CSMD1: variants seen among roughly 807,000 people sequenced by gnomAD.
CSMD1 encodes CUB and Sushi multiple domains 1.
Under a neutral mutation model 417.5 loss-of-function variants are expected in CSMD1, and 213 were observed. The observed-to-expected ratio is 0.51, with a 90% CI of 0.46 to 0.57. The LOEUF (loss-of-function observed/expected upper bound fraction) is 0.57, where lower values mean the gene tolerates loss of function less well. Ranked by LOEUF, CSMD1 falls within the 20% of genes least tolerant of loss-of-function variation. The pLI, the probability that CSMD1 is intolerant of heterozygous loss-of-function variation, is 0.00. For synonymous variants in CSMD1, 2,862 were observed against 1,736.8 expected, an observed-to-expected ratio of 1.65 and a Z score of -16.11; for missense variants, 6,923 against 4,529.7, an observed-to-expected ratio of 1.53 and a Z score of -15.17.
intron 16 of CSMD1, among the ~76,000 whole-genome samples, chr8:3,399,140 C>T (rs988264625): frequency 6.6e-6 from 1 of 152,136 alleles, no homozygotes. Context: ...ATACAAGGGT[C>T]GGACCTCGGG....
chr8:4,316,205 T>C (rs1315280886), intron 3 of CSMD1, among the ~76,000 whole-genome samples: 2 of 152,218 alleles, frequency 1.3e-5, no homozygotes, highest in East Asian at 1.9e-4. Context: ...GGACCCCATA[T>C]TCTAAAATTT....
intron 5 of CSMD1, among the ~76,000 whole-genome samples, chr8:3,949,564 G>T (rs961583514): frequency 1.3e-5 from 2 of 152,056 alleles, no homozygotes; most frequent in African/African-American, 4.8e-5. Context: ...GGTTATTTTG[G>T]GGTTCTTTTG....
intron 2 of CSMD1, among the ~76,000 whole-genome samples, chr8:4,573,202 T>C (rs1798969108): frequency 1.3e-5 from 2 of 152,200 alleles, no homozygotes; most frequent in African/African-American, 4.8e-5. Context: ...AGAGGCATTC[T>C]GGTTTTTGGA....
chr8:3,278,542 T>C (rs1802482934), intron 26 of CSMD1: 2 of 152,234 alleles, frequency 1.3e-5, no homozygotes, highest in Admixed American at 1.3e-4. Context: ...ACATTTCTTT[T>C]TGAGTTCTAT....
At chr8:4,327,620 C>T (rs751282001) in intron 3 of CSMD1, among the ~76,000 whole-genome samples, 4 of 152,062 alleles carry the variant, frequency 2.6e-5, no homozygotes. Flanking sequence ...GGGGAAAAAG[C>T]CCCCAAAAAC....
At chr8:4,139,002 C>T (rs183181933) in intron 3 of CSMD1, among the ~76,000 whole-genome samples, 182 of 152,208 alleles carry the variant, frequency 1.2e-3, no homozygotes, top group African/African-American at 4.1e-3. Context: ...ACTGTACGGC[C>T]ACATGCAGAA....
At chr8:4,388,102 C>T (rs910708328) in intron 3 of CSMD1, among the ~76,000 whole-genome samples, 5 of 152,172 alleles carry the variant, frequency 3.3e-5, no homozygotes, top group African/African-American at 4.8e-5. Context: ...ACTAAAGATA[C>T]AGCTGTCTCT....
chr8:4,556,482 G>A (rs992757862), intron 2 of CSMD1, among the ~76,000 whole-genome samples: 2 of 152,166 alleles, frequency 1.3e-5, no homozygotes, highest in Admixed American at 6.5e-5. Flanking sequence ...AGTCTCATGA[G>A]GAAAGTCTCG....
intron 47 of CSMD1, among the ~76,000 whole-genome samples, chr8:3,092,338 A>C (rs1215600087): frequency 5.9e-5 from 9 of 152,212 alleles, no homozygotes; most frequent in African/African-American, 1.9e-4. Context: ...TTAGAGATAA[A>C]TATAATAGGA....
rs1420799192 is a variant in CSMD1, at chr8:3,284,288, C to T, written c.4009G>A (p.Gly1337Arg). 2 of 1,613,908 alleles carry T rather than the reference C, an allele frequency of 1.2e-6. No individual in the cohort carries two copies. Among genetic ancestry groups the T allele is most frequent in the Non-Finnish European group, 1.7e-6 (2 of 1,179,866 alleles). Residue 1337 changes from glycine (G) to arginine (R), a missense_variant, in exon 26 of 70, where the codon GGG becomes AGG. Coordinates refer to ENST00000635120, the MANE Select transcript of CSMD1 (RefSeq NM_033225.6). ...AGCAGGATGTCACTGTCCACCGGCC[C>T]GTCCCAGACCTTGAGGATGTCGTGA... ...MAHDILKVWDGPVDSDILLKE... is the reference protein window; with the variant it reads ...MAHDILKVWDRPVDSDILLKE...
At chr8:3,568,941 T>C (rs1228312171) in intron 10 of CSMD1, among the ~76,000 whole-genome samples, 1 of 152,142 alleles carries the variant, frequency 6.6e-6, no homozygotes. Context: ...TTATCTTAAT[T>C]ACTATAACAC....
At chr8:3,788,079 T>A (rs1263450397) in intron 5 of CSMD1, among the ~76,000 whole-genome samples, 2 of 152,152 alleles carry the variant, frequency 1.3e-5, no homozygotes, top group Non-Finnish European at 2.9e-5. Context: ...CCAGTGAGTG[T>A]TCTTTGGGAA....
At chr8:3,549,166 G>A (rs1423073909) in intron 10 of CSMD1, among the ~76,000 whole-genome samples, 1 of 152,180 alleles carries the variant, frequency 6.6e-6, no homozygotes, top group African/African-American at 2.4e-5. Context: ...GCAAACTACA[G>A]CTCACGGTCC....
intron 3 of CSMD1, among the ~76,000 whole-genome samples, chr8:4,285,380 G>A (rs1445322105): frequency 6.6e-6 from 1 of 152,006 alleles, no homozygotes; most frequent in African/African-American, 2.4e-5. Context: ...TATTCTAGAG[G>A]GAAATGAATT....
intron 5 of CSMD1, among the ~76,000 whole-genome samples, chr8:3,926,059 C>CACACACACACAAACACCAT (rs1563218073): frequency 1.5e-5 from 2 of 136,940 alleles, no homozygotes; most frequent in Admixed American, 7.4e-5. Context: ...CATATACACA[C>CACACACACACAAACACCAT]ACACACACAC....
chr8:2,956,570 C>G (rs1384277762), intron 63 of CSMD1, among the ~76,000 whole-genome samples: 1 of 152,140 alleles, frequency 6.6e-6, no homozygotes, highest in Admixed American at 6.5e-5. Flanking sequence ...TCTCCTGACT[C>G]AGCCTCCCCA....
At chr8:3,759,510 A>C (rs1048438381) in intron 5 of CSMD1, among the ~76,000 whole-genome samples, 3 of 152,136 alleles carry the variant, frequency 2.0e-5, no homozygotes, top group Admixed American at 6.5e-5. Flanking sequence ...TTTTCTAATA[A>C]ACAAATAGTT....
At chr8:4,600,069 T>C (rs1461308396) in intron 2 of CSMD1, among the ~76,000 whole-genome samples, 3 of 152,142 alleles carry the variant, frequency 2.0e-5, no homozygotes, top group African/African-American at 7.2e-5. Flanking sequence ...GTCCTTCCCT[T>C]TTATACTGTG....
At chr8:3,518,967 G>C (rs1013133544) in intron 10 of CSMD1, among the ~76,000 whole-genome samples, 1 of 152,140 alleles carries the variant, frequency 6.6e-6, no homozygotes, top group Admixed American at 6.5e-5. Context: ...ACAATGTTAT[G>C]TAGCACTTTT....
Sources: gnomAD v4.1 joint callset for allele counts (sites outside exome capture counted in the v4.1 genomes callset) on GRCh38, gnomAD v4.1.1 for gene constraint, MANE v1.5 for transcripts, NCBI Gene and HGNC (gene_info 2026-07-23, HGNC 2026-07-21) for gene names.